The following PUM2 variants were observed in gnomAD, a reference collection of about 807,000 sequenced individuals.
PUM2 encodes the protein pumilio RNA binding family member 2.
Under a neutral mutation model 124.5 loss-of-function variants are expected in PUM2, and 57 were observed. The observed-to-expected ratio is 0.46, with a 90% CI of 0.37 to 0.57. The LOEUF is 0.57. PUM2 is among the 20% of genes least tolerant of loss of function. The pLI is 0.00. For synonymous variants in PUM2, 460 were observed against 446.1 expected (o/e 1.03, Z -0.39); for missense variants, 1,065 against 1,290.6 (o/e 0.83, Z 2.68).
chr2:20,332,428 C>A (rs1406463201), intron 1 of PUM2, among the ~76,000 whole-genome samples: 2 of 150,620 alleles, frequency 1.3e-5, no homozygotes, highest in Non-Finnish European at 3.0e-5. Flanking sequence ...AAAAACCCAC[C>A]CCCATCAGCA....
At chr2:20,254,699 G>T (rs538417440) in intron 19 of PUM2, among the ~76,000 whole-genome samples, 164 bp downstream of exon 19, 2 of 151,832 alleles carry the variant, frequency 1.3e-5, no homozygotes, top group Non-Finnish European at 2.9e-5. Context: ...TTGTTATGTA[G>T]ATTTTTTTAA....
At chr2:20,321,405 G>A (rs1011139954) in intron 2 of PUM2, among the ~76,000 whole-genome samples, 2 of 152,164 alleles carry the variant, frequency 1.3e-5, no homozygotes, top group Non-Finnish European at 2.9e-5. Context: ...ACTATACTAT[G>A]AGTACCTTCA....
intron 8 of PUM2, among the ~76,000 whole-genome samples, chr2:20,295,158 T>C (rs548572492): frequency 2.0e-5 from 3 of 151,636 alleles, no homozygotes; most frequent in African/African-American, 4.8e-5. Context: ...GAAAGAAAAA[T>C]AGAAGGGAAA....
chr2:20,338,273 T>C (rs953364730), intron 1 of PUM2, among the ~76,000 whole-genome samples: 2 of 152,146 alleles, frequency 1.3e-5, no homozygotes, highest in African/African-American at 4.8e-5. Context: ...AGCGTGTGCC[T>C]GTAATCTCAG....
chr2:20,281,472 C>T (rs1487919463), intron 12 of PUM2, among the ~76,000 whole-genome samples: 2 of 152,136 alleles, frequency 1.3e-5, no homozygotes, highest in Admixed American at 1.3e-4. Context: ...TTAATCAATG[C>T]TCTCTTTTTT....
Position 20,263,360 on chromosome 2 carries a change from G to T in PUM2, c.2058C>A (p.Ser686Arg). 1 of 1,614,156 alleles carries T rather than the reference G, an allele frequency of 6.2e-7. No homozygotes were observed. Among genetic ancestry groups the T allele is most frequent in the Non-Finnish European group, 8.5e-7 (1 of 1,179,988 alleles). The change falls in exon 14 of 21, where the codon AGC becomes AGA. Residue 686 changes from serine (S) to arginine (R), a missense_variant. Around this residue, in one of 3 missense-constraint regions of PUM2, gnomAD observed 968 missense variants for 1,159.8 expected, o/e 0.83. Coordinates refer to ENST00000361078, the MANE Select transcript of PUM2 (RefSeq NM_015317.5). ...ASSTSSLFSSSSQLFPPSRLR... is the reference protein window; with the variant it reads ...ASSTSSLFSSRSQLFPPSRLR... ...GCCGGGAAGGAGGAAAGAGCTGGCT[G>T]CTGGAGCTAAATAGACTGGAAGTGC...
intron 1 of PUM2, among the ~76,000 whole-genome samples, chr2:20,331,085 C>T (rs1174761170): frequency 6.6e-6 from 1 of 151,800 alleles, no homozygotes; most frequent in African/African-American, 2.4e-5. Context: ...GCTAACACAG[C>T]CCTGGCACAC....
intron 1 of PUM2, among the ~76,000 whole-genome samples, chr2:20,341,382 T>C (rs1227580541): frequency 6.6e-6 from 1 of 152,158 alleles, no homozygotes; most frequent in Non-Finnish European, 1.5e-5. Context: ...GTACAAAAAT[T>C]ACAAGTAATT....
In PUM2 at chr2:20,297,587, A is replaced by C. The variant is rs760181275; in HGVS notation, c.975T>G (p.Thr325=). The C allele has an allele frequency of 6.2e-7, 1 of 1,612,940 alleles. No individual in the cohort carries two copies. The highest frequency in any genetic ancestry group is 8.5e-7 in the Non-Finnish European group (1 of 1,179,182). Residue 325 remains threonine (T), a synonymous_variant, in exon 8 of 21, where the codon ACT becomes ACG. Transcript: ENST00000361078. The part of the protein sequence containing the change: ...SAAPPGTDPY[T]AAGLAAAATL... ...TAGCTGCTGCAGCCAATCCTGCTGC[A>C]GTATACGGATCGGTCCCTGGAGGAG...
At chr2:20,330,939 T>C (rs1308719696) in intron 1 of PUM2, among the ~76,000 whole-genome samples, 2 of 152,238 alleles carry the variant, frequency 1.3e-5, no homozygotes, top group African/African-American at 2.4e-5. Context: ...GAGAATTTGC[T>C]GCAGGACTGA....
chr2:20,289,016 G>A (rs892635129), intron 10 of PUM2, among the ~76,000 whole-genome samples: 3 of 152,108 alleles, frequency 2.0e-5, no homozygotes, highest in Non-Finnish European at 4.4e-5. Flanking sequence ...TGTGTGGCTG[G>A]GCGTGGTGGC....
At chr2:20,332,008 T>C (rs1286520698) in intron 1 of PUM2, 2 of 152,158 alleles carry the variant, frequency 1.3e-5, no homozygotes, top group African/African-American at 4.8e-5. Flanking sequence ...AAAATTTGAG[T>C]TTCACGTGGT....
intron 13 of PUM2, among the ~76,000 whole-genome samples, chr2:20,274,120 G>C (rs543343116): frequency 6.6e-6 from 1 of 152,030 alleles, no homozygotes; most frequent in Non-Finnish European, 1.5e-5. Flanking sequence ...TTAATCAACT[G>C]ATCTTTAATT....
intron 15 of PUM2, among the ~76,000 whole-genome samples, chr2:20,258,715 C>T (rs1052485617): frequency 2.8e-4 from 37 of 131,140 alleles, no homozygotes; most frequent in African/African-American, 9.8e-4. Flanking sequence ...GGCTGGACTG[C>T]GGACTGCAGT....
chr2:20,309,345 A>G (rs924651461), intron 5 of PUM2, among the ~76,000 whole-genome samples: 1 of 151,998 alleles, frequency 6.6e-6, no homozygotes, highest in Non-Finnish European at 1.5e-5. Flanking sequence ...CAAATAGTTC[A>G]GCTGAAACCA....
chr2:20,306,716 C>A (rs986153758), intron 7 of PUM2, among the ~76,000 whole-genome samples: 2 of 150,104 alleles, frequency 1.3e-5, no homozygotes, highest in African/African-American at 4.9e-5. Flanking sequence ...TCAAGCGATT[C>A]TCTGCCTCAG....
chr2:20,258,615 T>C (rs1036472580), intron 15 of PUM2, among the ~76,000 whole-genome samples: 3 of 148,766 alleles, frequency 2.0e-5, no homozygotes, highest in African/African-American at 7.3e-5. Flanking sequence ...AAAGAAACAC[T>C]CTTTTAAAGT....
At chr2:20,259,457 G>A (rs1032474331) in intron 15 of PUM2, among the ~76,000 whole-genome samples, 27 of 152,054 alleles carry the variant, frequency 1.8e-4, no homozygotes, top group African/African-American at 5.6e-4. Context: ...TCTTCCTCTA[G>A]GCCCAGTAAC....
chr2:20,330,590 TCTCCCATACATCATC>T (rs1365826458), intron 1 of PUM2, among the ~76,000 whole-genome samples: 1 of 152,172 alleles, frequency 6.6e-6, no homozygotes, highest in Admixed American at 6.5e-5. Context: ...CCTGCCCCAT[TCTCCCATACATCATC>T]CTAATGCATC....
Sources: gnomAD v4.1 joint callset for allele counts (sites outside exome capture counted in the v4.1 genomes callset) on GRCh38, gnomAD v4.1.1 for gene constraint, gnomAD v4.1.1 regional missense constraint, MANE v1.5 for transcripts, NCBI Gene and HGNC (gene_info 2026-07-23, HGNC 2026-07-21) for gene names.